SGSM1: variants seen among roughly 807,000 people sequenced by gnomAD.
The protein encoded by SGSM1 is small G protein signaling modulator 1, also known as RUN and TBC1 domain containing 2.
In SGSM1, 73 loss-of-function variants were observed where a neutral mutation model predicts 133.8. The observed-to-expected ratio is 0.55, with a 90% CI of 0.45 to 0.66. SGSM1 has a LOEUF of 0.66. Ranked by LOEUF, SGSM1 falls within the 30% of genes least tolerant of loss-of-function variation. The pLI is 0.00. For missense variants in SGSM1, 1,213 were observed against 1,448.1 expected (o/e 0.84, Z 2.64); for synonymous variants, 563 against 573.0 (o/e 0.98, Z 0.25).
Position 24,924,250 on chromosome 22 carries a change from G to A in SGSM1, c.3258G>A (p.Val1086=). ...LKLARDLVYK[V]QTLIENK is the part of the protein sequence containing the mutation. Reference sequence around the variant, plus strand: ...TGGCGCGGGACCTCGTGTACAAGGTGCAGACTCTGATTGAGAACAAGTGAG... The same window carrying A: ...TGGCGCGGGACCTCGTGTACAAGGTACAGACTCTGATTGAGAACAAGTGAG... The change falls in exon 25 of 25, where the codon GTG becomes GTA. Residue 1086 remains valine, a synonymous_variant. Coordinates refer to ENST00000400358, the MANE Select transcript of SGSM1 (RefSeq NM_001098497.3). 3 of 1,613,974 alleles carry A rather than the reference G, an allele frequency of 1.9e-6. No individual in the cohort carries two copies. Among genetic ancestry groups the A allele is most frequent in the Non-Finnish European group, 2.5e-6 (3 of 1,179,884 alleles).
intron 2 of SGSM1, chr22:24,844,324 T>G (rs1024949221): frequency 6.6e-6 from 1 of 152,258 alleles, no homozygotes; most frequent in Non-Finnish European, 1.5e-5. Flanking sequence ...TCACTTGAGG[T>G]CAGGAGTTCA....
chr22:24,814,333 C>T lies in SGSM1; in HGVS notation c.63+7849C>T, dbSNP rs368343339. The T allele has an allele frequency of 2.0e-5, 3 of 152,128 alleles. No individual in the cohort carries two copies. The East Asian group carries it at 5.8e-4, about 29-fold the overall frequency. The allele number at this position is 152,128 out of a possible 1,614,324, so 9.4% of individuals were successfully genotyped here. A position where few individuals can be genotyped will look rare whatever the true frequency, so the allele number is the denominator to read the frequency against. On this transcript the variant is annotated intron_variant, in intron 2 of 24. Transcript: ENST00000400358. ...TACTGGCATTTTATATTGATGACCT[C>T]ATTTAATTATTGATCCCCCATGAAG... is the stretch of plus-strand genomic sequence containing the variant.
chr22:24,837,561 C>T (rs1051896672), intron 2 of SGSM1, among the ~76,000 whole-genome samples: 4 of 139,204 alleles, frequency 2.9e-5, no homozygotes, highest in Admixed American at 7.3e-5. Flanking sequence ...TCTCTAAACT[C>T]CCCCGGGGAA....
At chr22:24,902,627 T>C (rs2123713951) in intron 20 of SGSM1, among the ~76,000 whole-genome samples, 1 of 152,192 alleles carries the variant, frequency 6.6e-6, no homozygotes, top group East Asian at 1.9e-4. Context: ...TAGAGGGTTG[T>C]AGTGAGCTAT....
In SGSM1 at chr22:24,859,095, C is replaced by T. The variant is rs114398316; in HGVS notation, c.802-621C>T. On this transcript the variant is annotated intron_variant, in intron 8 of 24. Coordinates refer to ENST00000400358, the MANE Select transcript of SGSM1 (RefSeq NM_001098497.3). Reference sequence around the variant, plus strand: ...AAGACAGTGCGTGTGAAGGCTGAGCCGTGATTGGGACACACTTGGTGCTCA... The same window carrying T: ...AAGACAGTGCGTGTGAAGGCTGAGCTGTGATTGGGACACACTTGGTGCTCA... 9.1e-3 allele frequency among the ~76,000 whole-genome samples: 1,379 copies of T among 152,260 alleles called. 23 individuals are homozygous for T. The highest frequency in any genetic ancestry group is 0.031 in the African/African-American group (1,299 of 41,530).
At chr22:24,814,049 C>G (rs967283063) in intron 2 of SGSM1, 1 of 152,130 alleles carries the variant, frequency 6.6e-6, no homozygotes, top group African/African-American at 2.4e-5. Flanking sequence ...TCTAAGTGGA[C>G]GAGGTTGGAC....
intron 12 of SGSM1, among the ~76,000 whole-genome samples, chr22:24,872,395 TG>T (rs970398238): frequency 6.6e-5 from 10 of 152,204 alleles, no homozygotes; most frequent in African/African-American, 2.4e-4. Flanking sequence ...AGGGTAGCCA[TG>T]GGCTACATGT....
intron 9 of SGSM1, among the ~76,000 whole-genome samples, chr22:24,865,837 C>G (rs1339507240): frequency 6.6e-6 from 1 of 152,144 alleles, no homozygotes; most frequent in Non-Finnish European, 1.5e-5. Flanking sequence ...AACATTTGGC[C>G]AGGTCAGTTG....
intron 14 of SGSM1, among the ~76,000 whole-genome samples, chr22:24,881,271 G>A (rs1932305315): frequency 7.1e-6 from 1 of 141,552 alleles, no homozygotes; most frequent in East Asian, 2.2e-4. Flanking sequence ...GATGAGTTAA[G>A]TTATGCAACT....
chr22:24,914,946 C>T (rs538239256), intron 22 of SGSM1, among the ~76,000 whole-genome samples: 9 of 151,340 alleles, frequency 5.9e-5, no homozygotes, highest in Non-Finnish European at 1.2e-4. Context: ...AACAGTGCTG[C>T]GGCCGGGCAC....
intron 20 of SGSM1, among the ~76,000 whole-genome samples, 166 bp from the exon 21 acceptor site, chr22:24,904,939 G>C (rs912654429): frequency 3.9e-5 from 6 of 152,140 alleles, no homozygotes; most frequent in African/African-American, 1.2e-4. Flanking sequence ...CCTGGTGGCT[G>C]CACATAGGAT....
chr22:24,897,376 A>G (rs1240445342), intron 18 of SGSM1, among the ~76,000 whole-genome samples: 2 of 152,220 alleles, frequency 1.3e-5, no homozygotes, highest in South Asian at 2.1e-4. Context: ...GAGAAACTCC[A>G]TCTCAGAAAA....
Position 24,886,632 on chromosome 22 carries a change from C to T in SGSM1, c.1674C>T (p.Ile558=). The T allele has an allele frequency of 3.2e-6, 5 of 1,554,686 alleles. No individual in the cohort carries two copies. Among genetic ancestry groups the T allele is most frequent in the Non-Finnish European group, 4.4e-6 (5 of 1,148,794 alleles). ...AGGAGCAGGAGCTGCTGCGCCTCAT[C>T]TACTACGGGGGCATCCAGCCTGAGA... The part of the protein sequence containing the change: ...SYEEQELLRL[I]YYGGIQPEIR... The change falls in exon 16 of 25, where the codon ATC becomes ATT. Residue 558 remains isoleucine, a synonymous_variant. Coordinates refer to ENST00000400358, the MANE Select transcript of SGSM1 (RefSeq NM_001098497.3).
chr22:24,816,859 C>A (rs1334329819), intron 2 of SGSM1, among the ~76,000 whole-genome samples: 1 of 152,208 alleles, frequency 6.6e-6, no homozygotes, highest in East Asian at 1.9e-4. Context: ...GGGGCACATT[C>A]TGCCAGCTTG....
chr22:24,876,485 G>A, intron 12 of SGSM1, 92 bp from the exon 13 acceptor site: 2 of 1,522,588 alleles, frequency 1.3e-6, no homozygotes, highest in East Asian at 2.3e-5. Flanking sequence ...GCTGGCTGGG[G>A]CGGGTGAGCT....
rs368492225 is a variant in SGSM1, at chr22:24,847,677, G to A, written c.183G>A (p.Ala61=). The stretch of plus-strand genomic sequence containing the variant: ...TTCTGCACGGGCTTCGGCGGCGGGC[G>A]GCTGGCTTCCTACGCAGCAATAAGA... ...ACVLHGLRRR[A]AGFLRSNKIA... The change falls in exon 4 of 25, where the codon GCG becomes GCA. Residue 61 remains alanine (A), a synonymous_variant. Coordinates refer to ENST00000400358, the MANE Select transcript of SGSM1 (RefSeq NM_001098497.3). The A allele has an allele frequency of 2.5e-5, 41 of 1,613,622 alleles. No individual in the cohort carries two copies. Among genetic ancestry groups the A allele is most frequent in the African/African-American group, 4.0e-5 (3 of 74,898 alleles).
chr22:24,891,283 C>T (rs1382680592), intron 16 of SGSM1, among the ~76,000 whole-genome samples: 1 of 152,044 alleles, frequency 6.6e-6, no homozygotes, highest in African/African-American at 2.4e-5. Context: ...TTGCTTGAGC[C>T]CAAGAGTTGG....
intron 2 of SGSM1, among the ~76,000 whole-genome samples, chr22:24,822,120 T>C (rs1165287945): frequency 1.4e-5 from 2 of 144,262 alleles, no homozygotes; most frequent in Admixed American, 1.4e-4. Context: ...AGACAGAGTC[T>C]TGCTCTGTTG....
At chr22:24,884,990 C>G (rs1040316011) in intron 15 of SGSM1, among the ~76,000 whole-genome samples, 2 of 151,708 alleles carry the variant, frequency 1.3e-5, no homozygotes, top group African/African-American at 2.4e-5. Flanking sequence ...GCTCTTGTTG[C>G]CCAGGCTGGA....
Sources: allele counts gnomAD v4.1 joint callset (sites outside exome capture counted in the v4.1 genomes callset), GRCh38; gene constraint gnomAD v4.1.1; transcripts MANE v1.5; gene names NCBI Gene and HGNC (gene_info 2026-07-23, HGNC 2026-07-21).